THOC5: variants seen among roughly 807,000 people sequenced by gnomAD.
THOC5 encodes Fms-interacting protein.
In THOC5, 43 loss-of-function variants were observed where a neutral mutation model predicts 92.9. The observed-to-expected ratio is 0.46, with a 90% CI of 0.36 to 0.60. The LOEUF (loss-of-function observed/expected upper bound fraction) is 0.60, where lower values mean the gene tolerates loss of function less well. Ranked by LOEUF, THOC5 falls within the 20% of genes least tolerant of loss-of-function variation. THOC5 has a pLI of 0.00. For missense variants in THOC5, 659 were observed against 849.4 expected (o/e 0.78, Z 2.79); for synonymous variants, 296 against 320.1 (o/e 0.92, Z 0.80).
rs749637856 is a variant in THOC5, at chr22:29,529,244, G to C, written c.848-5C>G. On this transcript the variant is annotated splice_polypyrimidine_tract_variant and splice_region_variant and intron_variant, in intron 8 of 19. Coordinates refer to ENST00000490103, the MANE Select transcript of THOC5 (RefSeq NM_003678.5). ...TTGCCACAGATAACGTCTTATCTGG[G>C]GGGCAAGAAGAAGTCTGTTAGGAAA... 4.3e-6 allele frequency: 7 copies of C among 1,614,160 alleles called. No individual in the cohort carries two copies. Among genetic ancestry groups the C allele is most frequent in the Middle Eastern group, 1.7e-4 (1 of 6,050 alleles).
At chr22:29,516,879 T>C in intron 17 of THOC5, 150 bp downstream of exon 17, 2 of 687,494 alleles carry the variant, frequency 2.9e-6, no homozygotes, top group South Asian at 1.7e-5. Flanking sequence ...TGTTGCAGAA[T>C]GAGTCCTTGC....
At chr22:29,539,122 A>C (rs1387549692) in intron 6 of THOC5, among the ~76,000 whole-genome samples, 9 of 151,568 alleles carry the variant, frequency 5.9e-5, no homozygotes, top group African/African-American at 1.2e-4. Context: ...AAAAAAAAAA[A>C]AAAAAAAAAC....
At chr22:29,533,684 G>C (rs548692733) in intron 7 of THOC5, among the ~76,000 whole-genome samples, 2 of 152,266 alleles carry the variant, frequency 1.3e-5, no homozygotes, top group African/African-American at 4.8e-5. Context: ...ACAGAAAACA[G>C]GCAAAAGACT....
Position 29,553,685 on chromosome 22 carries a change from A to G in THOC5, c.-26T>C, listed in dbSNP as rs1323096316. The G allele has an allele frequency of 6.6e-6, 1 of 152,466 alleles. No homozygotes were observed. Among genetic ancestry groups the G allele is most frequent in the Non-Finnish European group, 1.5e-5 (1 of 68,176 alleles). 9.4% of individuals were successfully genotyped at this position (152,466 alleles called of 1,614,324 possible). ...CCCCTCCTCACCTCACAGCTCCAAG[A>G]ACCTGGCACCGGGAGTAAGCCACTG... On this transcript the variant is annotated 5_prime_UTR_variant, in exon 1 of 20. Coordinates refer to ENST00000490103, the MANE Select transcript of THOC5 (RefSeq NM_003678.5).
rs746133040 is a variant in THOC5, at chr22:29,539,326, C to A, written c.599+4G>T. The A allele has an allele frequency of 4.3e-6, 7 of 1,613,184 alleles. No homozygotes were observed. Among genetic ancestry groups the A allele is most frequent in the Non-Finnish European group, 5.1e-6 (6 of 1,179,482 alleles). ...TTAAAAGGTCAGGAAGGAGGAAATG[C>A]TACCTTTTCCGCTGCTCCAGCTCCC... On this transcript the variant is annotated splice_donor_region_variant and intron_variant, in intron 6 of 19. Transcript: ENST00000490103.
At chr22:29,534,163 A>G (rs1349754922) in intron 7 of THOC5, among the ~76,000 whole-genome samples, 1 of 152,240 alleles carries the variant, frequency 6.6e-6, no homozygotes, top group Non-Finnish European at 1.5e-5. Context: ...CTGCTGAACA[A>G]AAGAAGCCAG....
intron 17 of THOC5, among the ~76,000 whole-genome samples, chr22:29,515,663 CAAAAA>C (rs202113737): frequency 1.3e-4 from 7 of 55,206 alleles, no homozygotes; most frequent in Admixed American, 4.2e-4. Flanking sequence ...CTTATCTCTA[CAAAAA>C]AAAAAAAAAA....
chr22:29,534,497 AT>A (rs1318062552), intron 7 of THOC5: 1 of 151,782 alleles, frequency 6.6e-6, no homozygotes, highest in East Asian at 1.9e-4. Context: ...TAGGCAATGA[AT>A]TCAGGTTTTG....
chr22:29,544,875 T>C (rs962068612), intron 2 of THOC5, among the ~76,000 whole-genome samples: 5 of 152,208 alleles, frequency 3.3e-5, no homozygotes, highest in Admixed American at 6.5e-5. Flanking sequence ...AAATTGCCTA[T>C]AATTTCGCCT....
In THOC5 at chr22:29,527,991, G is replaced by A. The variant is rs1218666564; in HGVS notation, c.1066+87C>T. On this transcript the variant is annotated intron_variant, in intron 11 of 19. Transcript: ENST00000490103. The stretch of plus-strand genomic sequence containing the variant: ...TGGGAATCCTTTGTTGGGCAAATGG[G>A]TGTTTGGCTCCCGGACCCTCTGCAC... 18 of 1,227,098 alleles carry A rather than the reference G, an allele frequency of 1.5e-5. No individual in the cohort carries two copies. In the Admixed American group the frequency reaches 3.3e-4, roughly 23 times the overall value. 76.0% of individuals were successfully genotyped at this position (1,227,098 alleles called of 1,614,324 possible).
Position 29,539,313 on chromosome 22 carries a change from G to A in THOC5, c.599+17C>T, listed in dbSNP as rs752569055. 1.1e-5 allele frequency: 18 copies of A among 1,612,174 alleles called. No individual in the cohort carries two copies. The highest frequency in any genetic ancestry group is 1.4e-5 in the Non-Finnish European group (17 of 1,178,904). On this transcript the variant is annotated intron_variant, in intron 6 of 19. Transcript: ENST00000490103. ...TGACACTTTGTGGTTAAAAGGTCAG[G>A]AAGGAGGAAATGCTACCTTTTCCGC...
chr22:29,540,017 C>T (rs1373455709), intron 5 of THOC5, among the ~76,000 whole-genome samples: 4 of 152,184 alleles, frequency 2.6e-5, no homozygotes, highest in African/African-American at 9.7e-5. Flanking sequence ...CGGTGGCTCA[C>T]CCCTGTAATC....
At position 29,529,157 on chromosome 22, in the gene THOC5, A is replaced by G. The variant is rs1315889662; in HGVS notation, c.925+5T>C. 2 of 1,614,130 alleles carry G rather than the reference A, an allele frequency of 1.2e-6. No individual in the cohort carries two copies. The highest frequency in any genetic ancestry group is 1.3e-5 in the African/African-American group (1 of 75,046). ...CTGGGGGACGAATCCCAACCACCAC[A>G]TTACCTTGGGAGTCCTCTGGAGGTT... On this transcript the variant is annotated splice_donor_5th_base_variant and intron_variant, in intron 9 of 19. Transcript: ENST00000490103.
In THOC5 at chr22:29,543,450, TTTC is replaced by T; in HGVS notation, c.330_332del (p.Lys111del). 1 of 1,614,036 alleles carries T rather than the reference TTTC, an allele frequency of 6.2e-7. No individual in the cohort carries two copies. The highest frequency in any genetic ancestry group is 8.5e-7 in the Non-Finnish European group (1 of 1,179,958). On this transcript the variant is annotated inframe_deletion, in exon 4 of 20. Coordinates refer to ENST00000490103, the MANE Select transcript of THOC5 (RefSeq NM_003678.5). ...CTACCTCGTGGGTCTGATCTCTTCCTTTCTTCAACCTGATGTGGGCTAATCGGT... is the reference window on the plus strand; with the variant it reads ...CTACCTCGTGGGTCTGATCTCTTCCTTTCAACCTGATGTGGGCTAATCGGT...
chr22:29,509,507 G>C (rs1460920461), intron 19 of THOC5, among the ~76,000 whole-genome samples: 1 of 151,810 alleles, frequency 6.6e-6, no homozygotes, highest in Admixed American at 6.6e-5. Context: ...CTCAGAGCTG[G>C]AACTGGTTAT....
chr22:29,505,987 G>A lies in THOC5; in HGVS notation c.*2470C>T, dbSNP rs1276104959. ...CAATTCTCCTGCCTCAGCCTCCCGA[G>A]TGGCTGGGATTACAGGCGCGCACCA... On this transcript the variant is annotated 3_prime_UTR_variant, in exon 20 of 20. Coordinates refer to ENST00000490103, the MANE Select transcript of THOC5 (RefSeq NM_003678.5). 1 of 151,976 alleles carries A rather than the reference G, an allele frequency of 6.6e-6. No individual in the cohort carries two copies. Among genetic ancestry groups the A allele is most frequent in the African/African-American group, 2.4e-5 (1 of 41,354 alleles). The allele number at this position is 151,976 out of a possible 1,614,324, so 9.4% of individuals were successfully genotyped here. A position where few individuals can be genotyped will look rare whatever the true frequency, so the allele number is the denominator to read the frequency against.
At chr22:29,526,487 A>C (rs1601412779) in intron 11 of THOC5, among the ~76,000 whole-genome samples, 1 of 151,936 alleles carries the variant, frequency 6.6e-6, no homozygotes, top group Non-Finnish European at 1.5e-5. Flanking sequence ...AGCAGAGATC[A>C]CGCCACTGCA....
At chr22:29,549,699 T>C (rs1304030042) in intron 1 of THOC5, among the ~76,000 whole-genome samples, 2 of 152,208 alleles carry the variant, frequency 1.3e-5, no homozygotes, top group Non-Finnish European at 2.9e-5. Flanking sequence ...AGACCCTTGA[T>C]GGTTTGTCCC....
Position 29,531,961 on chromosome 22 carries a change from A to C in THOC5, c.717T>G (p.Ala239=). Residue 239 remains alanine, a splice_region_variant and synonymous_variant, in exon 8 of 20, where the codon GCT becomes GCG. Coordinates refer to ENST00000490103, the MANE Select transcript of THOC5 (RefSeq NM_003678.5). ...ACAGGTACTCCTGCACCGGAAGGGA[A>C]GCCTGCACACAAGAGACAGATTTTT... The part of the protein sequence containing the change: ...LQPRLNSIMQ[A]SLPVQEYLFM... The C allele has an allele frequency of 6.2e-7, 1 of 1,614,008 alleles. No homozygotes were observed. The highest frequency in any genetic ancestry group is 8.5e-7 in the Non-Finnish European group (1 of 1,179,926).
Sources: gnomAD v4.1 joint callset for allele counts (sites outside exome capture counted in the v4.1 genomes callset) on GRCh38, gnomAD v4.1.1 for gene constraint, MANE v1.5 for transcripts, NCBI Gene and HGNC (gene_info 2026-07-23, HGNC 2026-07-21) for gene names.